CHN2: variants seen among roughly 807,000 people sequenced by gnomAD.
CHN2 encodes beta-chimaerin.
CHN2 carries 35 observed loss-of-function variants against 56.3 expected under a neutral mutation model. The observed-to-expected ratio is 0.62, with a 90% CI of 0.47 to 0.82. The LOEUF (loss-of-function observed/expected upper bound fraction) is 0.82, where lower values mean the gene tolerates loss of function less well. CHN2 is among the 40% of genes least tolerant of loss of function. The probability of loss-of-function intolerance (pLI) is 0.00; values close to 1 mark genes in which losing one functional copy is unlikely to be tolerated. For synonymous variants in CHN2, 210 were observed against 212.8 expected, an observed-to-expected ratio of 0.99 and a Z score of 0.12; for missense variants, 491 against 580.5, an observed-to-expected ratio of 0.85 and a Z score of 1.58.
chr7:29,294,733 C>T lies in CHN2; in HGVS notation c.50-59892C>T, dbSNP rs564885636. ...AGGTCACCACTTTATTTTCCCCACA[C>T]GTGTCAGCACATTGAGTGCACACAG... On this transcript the variant is annotated intron_variant, in intron 1 of 12. Transcript: ENST00000222792. 1.1e-4 allele frequency among the ~76,000 whole-genome samples: 16 copies of T among 152,360 alleles called. No individual in the cohort carries two copies. In the South Asian group the frequency reaches 3.1e-3, roughly 30 times the overall value.
intron 1 of CHN2, among the ~76,000 whole-genome samples, chr7:29,321,172 G>A (rs1216255262): frequency 6.6e-6 from 1 of 152,208 alleles, no homozygotes; most frequent in East Asian, 1.9e-4. Context: ...GGTTATCTGT[G>A]CATTTCATTT....
intron 2 of CHN2, among the ~76,000 whole-genome samples, chr7:29,169,957 G>T (rs1015813278): frequency 1.3e-5 from 2 of 151,804 alleles, no homozygotes; most frequent in African/African-American, 4.8e-5. Context: ...GCTCATTGCA[G>T]CCTTGAACCC....
rs1385758939 is a variant in CHN2 at position 29,304,312 on chromosome 7, T to C, written c.50-50313T>C. Among the ~76,000 whole-genome samples the C allele has an allele frequency of 3.3e-5, 5 of 152,136 alleles. No homozygotes were observed. The South Asian group carries it at 6.2e-4, about 19-fold the overall frequency. ...CCTAATCCTTGGCATCCCCAGGAGATTTATATGGTGCGAGACGTAGCTGAG... is the reference window on the plus strand; with the variant it reads ...CCTAATCCTTGGCATCCCCAGGAGACTTATATGGTGCGAGACGTAGCTGAG... On this transcript the variant is annotated intron_variant, in intron 1 of 12. Transcript: ENST00000222792.
chr7:29,400,165 A>G, intron 5 of CHN2: 1 of 236,792 alleles, frequency 4.2e-6, no homozygotes, highest in Non-Finnish European at 9.0e-6. Flanking sequence ...TACAGGTAAC[A>G]TAGTTGTAAA....
intron 1 of CHN2, among the ~76,000 whole-genome samples, chr7:29,272,325 T>C (rs1395812880): frequency 6.6e-6 from 1 of 152,182 alleles, no homozygotes; most frequent in Non-Finnish European, 1.5e-5. Flanking sequence ...ACAGTTCTCA[T>C]TGCACTGGAC....
chr7:29,509,984 T>C (rs988587374), intron 12 of CHN2, among the ~76,000 whole-genome samples: 2 of 152,216 alleles, frequency 1.3e-5, no homozygotes, highest in African/African-American at 4.8e-5. Context: ...GTACAGCCTT[T>C]AACTACTCTG....
chr7:29,160,353 G>A (rs532035350), intron 2 of CHN2, among the ~76,000 whole-genome samples: 3 of 152,272 alleles, frequency 2.0e-5, no homozygotes, highest in Non-Finnish European at 4.4e-5. Context: ...TCCTGTTCCT[G>A]TATGTGGCTG....
In CHN2 at chr7:29,513,748, AAACC is replaced by A. The variant is rs1272326385; in HGVS notation, c.*1014_*1017del. ...TCAACGTTTTTCATTCTTGTTTTACAAACCTATTTTTTAAAGTGAGAATAAGGTT... is the reference window on the plus strand; with the variant it reads ...TCAACGTTTTTCATTCTTGTTTTACATATTTTTTAAAGTGAGAATAAGGTT... On this transcript the variant is annotated 3_prime_UTR_variant, in exon 13 of 13. Coordinates refer to ENST00000222792, the MANE Select transcript of CHN2 (RefSeq NM_004067.4). 1 of 152,564 alleles carries A rather than the reference AAACC, an allele frequency of 6.6e-6. No individual in the cohort carries two copies. Among genetic ancestry groups the A allele is most frequent in the Non-Finnish European group, 1.5e-5 (1 of 67,978 alleles). The allele number at this position is 152,564 out of a possible 1,614,324, so 9.5% of individuals were successfully genotyped here. A position where few individuals can be genotyped will look rare whatever the true frequency, so the allele number is the denominator to read the frequency against.
At position 29,498,164 on chromosome 7, in the gene CHN2, A is replaced by G. The variant is rs913935619; in HGVS notation, c.740-1703A>G. ...GATATACTTACATTTTTTTATCACC[A>G]TATTTGCTATTTATTTTATTTGACC... is the stretch of plus-strand genomic sequence containing the variant. On this transcript the variant is annotated intron_variant, in intron 8 of 12. Transcript: ENST00000222792. Among the ~76,000 whole-genome samples, 12 of 152,330 alleles carry G rather than the reference A, an allele frequency of 7.9e-5. No individual in the cohort carries two copies. In the East Asian group the frequency reaches 2.3e-3, roughly 29 times the overall value.
At chr7:29,436,452 A>G (rs1201627110) in intron 6 of CHN2, among the ~76,000 whole-genome samples, 1 of 152,162 alleles carries the variant, frequency 6.6e-6, no homozygotes, top group African/African-American at 2.4e-5. Context: ...AAAGCTGCCA[A>G]CTTATAGGTG....
chr7:29,414,297 T>C (rs1803524664), intron 6 of CHN2, among the ~76,000 whole-genome samples: 2 of 152,172 alleles, frequency 1.3e-5, no homozygotes, highest in African/African-American at 4.8e-5. Flanking sequence ...TAAAATGATA[T>C]ACATGGAGAT....
chr7:29,174,706 C>T (rs1276134643), intron 2 of CHN2, among the ~76,000 whole-genome samples: 2 of 151,918 alleles, frequency 1.3e-5, no homozygotes, highest in Non-Finnish European at 2.9e-5. Context: ...GCTAAAGATA[C>T]AAAATTAGCT....
chr7:29,362,385 A>G (rs918624824), intron 2 of CHN2, among the ~76,000 whole-genome samples: 15 of 152,250 alleles, frequency 9.9e-5, no homozygotes, highest in African/African-American at 7.2e-5. Context: ...GAAGATGCAT[A>G]TAATATGCCT....
rs554627972 is a variant in CHN2 at position 29,483,064 on chromosome 7, G to T, written c.654+2708G>T. Among the ~76,000 whole-genome samples the T allele has an allele frequency of 2.0e-5, 3 of 151,850 alleles. No homozygotes were observed. In the East Asian group the frequency reaches 5.8e-4, roughly 30 times the overall value. ...TCTCGATCTCCTGACCTCGTGATCC[G>T]CCCGTCTCGGCCTCCCAAAGTGCTA... On this transcript the variant is annotated intron_variant, in intron 7 of 12. Coordinates refer to ENST00000222792, the MANE Select transcript of CHN2 (RefSeq NM_004067.4).
intron 2 of CHN2, among the ~76,000 whole-genome samples, chr7:29,188,271 A>C (rs1415124118): frequency 1.3e-5 from 2 of 152,170 alleles, no homozygotes; most frequent in Non-Finnish European, 2.9e-5. Context: ...TTATTAACCC[A>C]TTTTAGAGAC....
chr7:29,353,979 T>C (rs1361749655), intron 1 of CHN2, among the ~76,000 whole-genome samples: 1 of 152,232 alleles, frequency 6.6e-6, no homozygotes, highest in Non-Finnish European at 1.5e-5. Flanking sequence ...GTCTGTTTCC[T>C]AGATGGATGA....
At chr7:29,171,491 A>G (rs1355211280) in intron 2 of CHN2, among the ~76,000 whole-genome samples, 1 of 152,156 alleles carries the variant, frequency 6.6e-6, no homozygotes, top group Non-Finnish European at 1.5e-5. Context: ...GACGGAGAGG[A>G]TTCTACCCAG....
At chr7:29,336,259 A>G (rs1796607794) in intron 1 of CHN2, 1 of 152,098 alleles carries the variant, frequency 6.6e-6, no homozygotes, top group Admixed American at 6.5e-5. Flanking sequence ...GTACTGAAAG[A>G]CGGCTTTTGT....
intron 1 of CHN2, among the ~76,000 whole-genome samples, chr7:29,343,533 G>C (rs71541504): frequency 0.27 from 40,625 of 151,944 alleles, 5,599 homozygotes; most frequent in Non-Finnish European, 0.3. Context: ...GCAAGGTCAT[G>C]AGAAACCCCC....
Sources: allele counts gnomAD v4.1 joint callset (sites outside exome capture counted in the v4.1 genomes callset), GRCh38; gene constraint gnomAD v4.1.1; transcripts MANE v1.5; gene names NCBI Gene and HGNC (gene_info 2026-07-23, HGNC 2026-07-21).